CCDC102B: variants seen among roughly 807,000 people sequenced by gnomAD.
CCDC102B encodes the protein coiled-coil domain-containing protein 102B.
Under a neutral mutation model 57.4 loss-of-function variants are expected in CCDC102B, and 75 were observed. That is an observed-to-expected ratio of 1.31 (90% confidence interval 1.08 to 1.58). The LOEUF (loss-of-function observed/expected upper bound fraction) is 1.58, where lower values mean the gene tolerates loss of function less well. Among genes scored for constraint, CCDC102B ranks in the 40% most tolerant of loss-of-function variants. The pLI, the probability that CCDC102B is intolerant of heterozygous loss-of-function variation, is 0.00. For synonymous variants in CCDC102B, 206 were observed against 201.9 expected (o/e 1.02, Z -0.17); for missense variants, 636 against 582.6 (o/e 1.09, Z -0.94).
chr18:68,769,236 A>T (rs1350796167), intron 2 of CCDC102B, among the ~76,000 whole-genome samples: 1 of 151,500 alleles, frequency 6.6e-6, no homozygotes, highest in Non-Finnish European at 1.5e-5. Flanking sequence ...CTGGGCAACA[A>T]GAGTGAAACT....
At chr18:68,733,507 T>TATATATATATATATATATATATATATATA (rs1491296876) in intron 2 of CCDC102B, among the ~76,000 whole-genome samples, 6 of 76,144 alleles carry the variant, frequency 7.9e-5, no homozygotes, top group African/African-American at 1.8e-4. Flanking sequence ...TATATATATA[T>TATATATATATATATATATATATATATATA]TTTTTTAACT....
chr18:68,791,196 C>T (rs373733419), intron 2 of CCDC102B, among the ~76,000 whole-genome samples: 15 of 152,092 alleles, frequency 9.9e-5, no homozygotes, highest in Non-Finnish European at 1.6e-4. Flanking sequence ...CCAAATAGTT[C>T]GAGTTTACAG....
At chr18:69,001,641 C>T (rs2051203712) in intron 6 of CCDC102B, among the ~76,000 whole-genome samples, 1 of 152,190 alleles carries the variant, frequency 6.6e-6, no homozygotes, top group South Asian at 2.1e-4. Flanking sequence ...TGTGACTCCA[C>T]CACAGGGCAC....
At chr18:68,960,895 A>T (rs1411751790) in intron 6 of CCDC102B, among the ~76,000 whole-genome samples, 1 of 152,142 alleles carries the variant, frequency 6.6e-6, no homozygotes, top group African/African-American at 2.4e-5. Flanking sequence ...TAGCAATTCC[A>T]GACTGTCTTT....
intron 1 of CCDC102B, among the ~76,000 whole-genome samples, chr18:68,814,328 A>G (rs542718536): frequency 1.3e-5 from 2 of 152,284 alleles, no homozygotes; most frequent in South Asian, 4.1e-4. Context: ...ACTGTTAGCC[A>G]GAAATATTTA....
chr18:68,796,676 G>T (rs1304343575), upstream of CCDC102B, among the ~76,000 whole-genome samples: 1 of 152,026 alleles, frequency 6.6e-6, no homozygotes, highest in Non-Finnish European at 1.5e-5. Context: ...GGTGAGAAGG[G>T]CCAGCAAAAG....
intron 5 of CCDC102B, among the ~76,000 whole-genome samples, chr18:68,878,208 C>T (rs2039526248): frequency 6.6e-6 from 1 of 152,100 alleles, no homozygotes; most frequent in Admixed American, 6.5e-5. Flanking sequence ...GCAATTCTCT[C>T]ACCTCAGCCT....
chr18:68,735,226 A>AT (rs5825870), intron 2 of CCDC102B, among the ~76,000 whole-genome samples: 35 of 148,554 alleles, frequency 2.4e-4, no homozygotes, highest in African/African-American at 8.7e-4. Context: ...TAATTTTTGT[A>AT]TTTTTTTTTT....
Position 69,011,044 on chromosome 18 carries a change from AAAG to A in CCDC102B, c.1377_1379del (p.Lys460del), listed in dbSNP as rs781050653. On this transcript the variant is annotated inframe_deletion, in exon 7 of 8. Transcript: ENST00000360242. The stretch of plus-strand genomic sequence containing the variant: ...GAGTGGATCAAAATGAAGCAGAAGT[AAAG>A]AAACTAAGATTACGAGTGGAAGAAC... The A allele has an allele frequency of 1.6e-5, 26 of 1,613,942 alleles. No homozygotes were observed. Among genetic ancestry groups the A allele is most frequent in the Non-Finnish European group, 1.7e-5 (20 of 1,179,956 alleles).
chr18:68,933,619 T>C (rs2041751254), intron 6 of CCDC102B, among the ~76,000 whole-genome samples: 1 of 151,932 alleles, frequency 6.6e-6, no homozygotes. Flanking sequence ...ATTGCTCGAT[T>C]ATATTTTGTG....
At chr18:68,822,169 G>C (rs1269219063) in intron 1 of CCDC102B, among the ~76,000 whole-genome samples, 1 of 152,104 alleles carries the variant, frequency 6.6e-6, no homozygotes, top group African/African-American at 2.4e-5. Flanking sequence ...CCCAAGGCAG[G>C]TGGATCACGA....
chr18:68,829,611 G>A (rs575746939), intron 1 of CCDC102B, among the ~76,000 whole-genome samples: 1 of 152,092 alleles, frequency 6.6e-6, no homozygotes, highest in Non-Finnish European at 1.5e-5. Flanking sequence ...TGGCAGCTTT[G>A]CACATCCTAT....
chr18:69,017,890 A>G lies in CCDC102B; in HGVS notation c.1434+6786A>G, dbSNP rs1241348015. ...CTACATATGAACAGGATCACACTGC[A>G]TTAGTCTTTCTGTGTCTGGCTTATT... On this transcript the variant is annotated intron_variant, in intron 7 of 7. Coordinates refer to ENST00000360242, the MANE Select transcript of CCDC102B (RefSeq NM_024781.3). Among the ~76,000 whole-genome samples the G allele has an allele frequency of 2.0e-5, 3 of 152,132 alleles. No individual in the cohort carries two copies. In the East Asian group the frequency reaches 5.8e-4, roughly 29 times the overall value.
At chr18:68,947,678 G>C (rs531064679) in intron 6 of CCDC102B, among the ~76,000 whole-genome samples, 1 of 152,016 alleles carries the variant, frequency 6.6e-6, no homozygotes, top group Non-Finnish European at 1.5e-5. Flanking sequence ...TCTTAACCCT[G>C]AGCATATTTT....
intron 4 of CCDC102B, among the ~76,000 whole-genome samples, chr18:68,855,654 C>A (rs897147228): frequency 6.6e-6 from 1 of 152,088 alleles, no homozygotes; most frequent in Non-Finnish European, 1.5e-5. Context: ...CCTGAGAATA[C>A]CATTAACTAA....
chr18:69,051,236 TA>T (rs1469336348), intron 7 of CCDC102B, among the ~76,000 whole-genome samples: 7 of 137,434 alleles, frequency 5.1e-5, no homozygotes, highest in African/African-American at 2.5e-4. Flanking sequence ...AAATACATTT[TA>T]TTTTTTTGGA....
chr18:69,055,026 G>A lies in CCDC102B; in HGVS notation c.*889G>A. 2 of 982,860 alleles carry A rather than the reference G, an allele frequency of 2.0e-6. No individual in the cohort carries two copies. The highest frequency in any genetic ancestry group is 2.4e-6 in the Non-Finnish European group (2 of 827,752). 60.9% of individuals were successfully genotyped at this position (982,860 alleles called of 1,614,324 possible). ...GGTAAAATGTTATTTTGAACAAAAA[G>A]ACACTTATAATTTTCCATACCTATT... On this transcript the variant is annotated 3_prime_UTR_variant, in exon 8 of 8. Coordinates refer to ENST00000360242, the MANE Select transcript of CCDC102B (RefSeq NM_024781.3).
At chr18:69,043,309 A>T (rs545615301) in intron 7 of CCDC102B, among the ~76,000 whole-genome samples, 9 of 152,216 alleles carry the variant, frequency 5.9e-5, no homozygotes, top group Non-Finnish European at 1.2e-4. Flanking sequence ...TCCATTGCCC[A>T]GGGACGGGCA....
At chr18:68,746,893 C>A (rs1291313145) in intron 2 of CCDC102B, among the ~76,000 whole-genome samples, 1 of 151,850 alleles carries the variant, frequency 6.6e-6, no homozygotes, top group East Asian at 1.9e-4. Flanking sequence ...TTATATACCC[C>A]CTTTTTATGG....
Sources: allele counts gnomAD v4.1 joint callset (sites outside exome capture counted in the v4.1 genomes callset), GRCh38; gene constraint gnomAD v4.1.1; transcripts MANE v1.5; gene names NCBI Gene and HGNC (gene_info 2026-07-23, HGNC 2026-07-21).